The following BMPER variants were observed in gnomAD, a reference collection of about 807,000 sequenced individuals.
BMPER encodes the protein BMP binding endothelial regulator, also known as BMP-binding endothelial regulator protein.
A neutral mutation model predicts 87.3 loss-of-function variants in BMPER; 45 were observed. The ratio of observed to expected loss-of-function variants is 0.52; its 90% confidence interval spans 0.41 to 0.66. The LOEUF is 0.66. Ranked by LOEUF, BMPER falls within the 30% of genes least tolerant of loss-of-function variation. The pLI, the probability that BMPER is intolerant of heterozygous loss-of-function variation, is 0.00. For missense variants in BMPER, 784 were observed against 867.5 expected, an observed-to-expected ratio of 0.90 and a Z score of 1.21; for synonymous variants, 326 against 316.2, an observed-to-expected ratio of 1.03 and a Z score of -0.33.
chr7:34,076,510 A>C (rs915596719), intron 11 of BMPER, among the ~76,000 whole-genome samples: 2 of 152,100 alleles, frequency 1.3e-5, no homozygotes, highest in Non-Finnish European at 2.9e-5. Context: ...AACATGTCAT[A>C]AGCATTTCCT....
chr7:33,940,326 T>C lies in BMPER; in HGVS notation c.319+2938T>C, dbSNP rs1784721891. Among the ~76,000 whole-genome samples, 4 of 152,216 alleles carry C rather than the reference T, an allele frequency of 2.6e-5. No homozygotes were observed. The South Asian group carries it at 8.3e-4, about 32-fold the overall frequency. On this transcript the variant is annotated intron_variant, in intron 3 of 14. Transcript: ENST00000649409. Reference sequence around the variant, plus strand: ...TTCTGTTGTAAGAGTGTCTCAACATTCATTTGGTCGTTTCTGACCACATTT... The same window carrying C: ...TTCTGTTGTAAGAGTGTCTCAACATCCATTTGGTCGTTTCTGACCACATTT...
At chr7:34,097,861 T>G (rs1323714289) in intron 13 of BMPER, among the ~76,000 whole-genome samples, 6 of 152,180 alleles carry the variant, frequency 3.9e-5, no homozygotes, top group Admixed American at 3.9e-4. Context: ...TTGCTAAACA[T>G]TAGAGACAAG....
intron 2 of BMPER, among the ~76,000 whole-genome samples, chr7:33,930,166 C>T (rs1296393641): frequency 6.6e-6 from 1 of 152,184 alleles, no homozygotes; most frequent in East Asian, 1.9e-4. Context: ...GCTTCATGTT[C>T]TTCATCTTAG....
At position 34,086,033 on chromosome 7, in the gene BMPER, G is replaced by C. The variant is rs369467205; in HGVS notation, c.1686G>C (p.Lys562Asn). 6.2e-7 allele frequency: 1 copy of C among 1,613,914 alleles called. No individual in the cohort carries two copies. Among genetic ancestry groups the C allele is most frequent in the Non-Finnish European group, 8.5e-7 (1 of 1,180,026 alleles). The change falls in exon 13 of 15, where the codon AAG (lysine) becomes AAC (asparagine). Residue 562 changes from lysine to asparagine, a missense_variant. Transcript: ENST00000649409. ...VKLRAHRECQKLKSWEFQTCH... is the reference protein window; with the variant it reads ...VKLRAHRECQNLKSWEFQTCH... ...TCCGGGCCCATCGAGAATGCCAAAA[G>C]CTCAAATCCTGGGAGTTTCAGACCT... is the stretch of plus-strand genomic sequence containing the variant.
In BMPER at chr7:33,905,729, C is replaced by G. The variant is rs369009264; in HGVS notation, c.116C>G (p.Ala39Gly). ...TGCTCGGGGGTCCCCATGTCTCTGG[C>G]TTCCTCCTTCTTGACAGGTAGGGGA... Reference protein sequence around the residue: ...LNCSGVPMSLASSFLTGSVAK... With the variant: ...LNCSGVPMSLGSSFLTGSVAK... Residue 39 changes from alanine to glycine, a missense_variant, in exon 1 of 15, where the codon GCT becomes GGT. Transcript: ENST00000649409. 3.8e-5 allele frequency: 60 copies of G among 1,596,842 alleles called. No individual in the cohort carries two copies. The East Asian group carries it at 4.1e-4, about 11-fold the overall frequency.
chr7:34,000,375 G>C (rs1786548407), intron 6 of BMPER, among the ~76,000 whole-genome samples: 1 of 152,072 alleles, frequency 6.6e-6, no homozygotes, highest in South Asian at 2.1e-4. Flanking sequence ...TACTATAAAA[G>C]ATATTAGGAC....
chr7:34,134,604 A>G (rs1790673795), intron 13 of BMPER, among the ~76,000 whole-genome samples: 2 of 152,140 alleles, frequency 1.3e-5, no homozygotes, highest in South Asian at 2.1e-4. Context: ...AGTATTTCTA[A>G]GGGTTACTGG....
chr7:34,149,095 A>C (rs988030989), intron 14 of BMPER, among the ~76,000 whole-genome samples: 1 of 152,142 alleles, frequency 6.6e-6, no homozygotes, highest in African/African-American at 2.4e-5. Context: ...CTTTGGTTAC[A>C]GAAGATAAGA....
chr7:33,932,359 G>A (rs1031679862), intron 2 of BMPER, among the ~76,000 whole-genome samples: 7 of 152,100 alleles, frequency 4.6e-5, no homozygotes, highest in African/African-American at 1.7e-4. Context: ...TTGTTCACTC[G>A]GGCAGAAAAA....
At chr7:34,149,658 C>A (rs576455380) in intron 14 of BMPER, among the ~76,000 whole-genome samples, 2 of 152,044 alleles carry the variant, frequency 1.3e-5, no homozygotes, top group African/African-American at 2.4e-5. Flanking sequence ...GAAGGTGTCT[C>A]CAGGAGTCAG....
chr7:34,068,542 G>A (rs750598086), intron 11 of BMPER, among the ~76,000 whole-genome samples: 3 of 150,886 alleles, frequency 2.0e-5, no homozygotes, highest in Non-Finnish European at 4.4e-5. Context: ...GTACAGAGAA[G>A]TGGTGGTTGG....
intron 12 of BMPER, among the ~76,000 whole-genome samples, chr7:34,083,123 G>A (rs1277016957): frequency 6.6e-6 from 1 of 152,216 alleles, no homozygotes; most frequent in African/African-American, 2.4e-5. Flanking sequence ...CAGATTGAGT[G>A]TATCAGTGTT....
At chr7:34,040,086 G>A (rs1401303821) in intron 6 of BMPER, among the ~76,000 whole-genome samples, 1 of 152,000 alleles carries the variant, frequency 6.6e-6, no homozygotes, top group Non-Finnish European at 1.5e-5. Context: ...TTAGAGGAGG[G>A]GCTATGTGGA....
chr7:33,992,556 C>G (rs1353097895), intron 6 of BMPER, among the ~76,000 whole-genome samples: 1 of 149,098 alleles, frequency 6.7e-6, no homozygotes, highest in African/African-American at 2.5e-5. Context: ...ACTGATGGGT[C>G]TTGACTCTTT....
chr7:34,009,175 G>A (rs1265123573), intron 6 of BMPER, among the ~76,000 whole-genome samples: 1 of 151,802 alleles, frequency 6.6e-6, no homozygotes, highest in East Asian at 1.9e-4. Context: ...AAGTAGCTGG[G>A]ACTACAACCA....
At chr7:33,948,836 T>C (rs917183860) in intron 3 of BMPER, among the ~76,000 whole-genome samples, 3 of 152,114 alleles carry the variant, frequency 2.0e-5, no homozygotes, top group Non-Finnish European at 2.9e-5. Context: ...TTTATAGTAA[T>C]GTGGGAATGG....
intron 7 of BMPER, among the ~76,000 whole-genome samples, chr7:34,047,994 C>T (rs562239964): frequency 2.6e-5 from 4 of 151,656 alleles, no homozygotes; most frequent in Admixed American, 6.6e-5. Context: ...GGATATTAAG[C>T]GCTCTCGTTC....
chr7:34,112,940 G>A lies in BMPER; in HGVS notation c.1745+26848G>A, dbSNP rs577887061. On this transcript the variant is annotated intron_variant, in intron 13 of 14. Transcript: ENST00000649409. ...GAACATAACTTGCAGTTATAGTTGA[G>A]CTTAACCTCATTTCTTTAAGATAAA... is the stretch of plus-strand genomic sequence containing the variant. Among the ~76,000 whole-genome samples the A allele has an allele frequency of 2.0e-5, 3 of 151,992 alleles. No individual in the cohort carries two copies. The South Asian group carries it at 6.2e-4, about 32-fold the overall frequency.
chr7:34,129,616 G>GA (rs1562762066), intron 13 of BMPER, among the ~76,000 whole-genome samples: 1 of 100,230 alleles, frequency 1.0e-5, no homozygotes, highest in Non-Finnish European at 2.2e-5. Context: ...GAGAAAGAGA[G>GA]AGAGAGAGAA....
Sources: allele counts gnomAD v4.1 joint callset (sites outside exome capture counted in the v4.1 genomes callset), GRCh38; gene constraint gnomAD v4.1.1; transcripts MANE v1.5; gene names NCBI Gene and HGNC (gene_info 2026-07-23, HGNC 2026-07-21).